Variants in SGPP1 observed in about 807,000 individuals in gnomAD.
SGPP1 encodes hSPP1.
A neutral mutation model predicts 33.0 loss-of-function variants in SGPP1; 21 were observed. The observed-to-expected ratio is 0.64, with a 90% CI of 0.45 to 0.92. SGPP1 has a LOEUF of 0.92. Ranked by LOEUF, SGPP1 falls within the 40% of genes least tolerant of loss-of-function variation. SGPP1 has a pLI of 0.00. For synonymous variants in SGPP1, 239 were observed against 241.2 expected (o/e 0.99, Z 0.08); for missense variants, 543 against 589.4 (o/e 0.92, Z 0.81).
chr14:63,724,379 T>A (rs1025230226), intron 1 of SGPP1, among the ~76,000 whole-genome samples: 1 of 151,972 alleles, frequency 6.6e-6, no homozygotes, highest in Non-Finnish European at 1.5e-5. Flanking sequence ...CAGGCATATA[T>A]AAGTAACCAT....
chr14:63,707,729 A>G (rs1339269390), intron 1 of SGPP1, among the ~76,000 whole-genome samples: 1 of 152,030 alleles, frequency 6.6e-6, no homozygotes, highest in African/African-American at 2.4e-5. Flanking sequence ...TACAGGCATG[A>G]GCCACTGCAC....
chr14:63,710,628 G>A (rs369623018), intron 1 of SGPP1, among the ~76,000 whole-genome samples: 13 of 152,090 alleles, frequency 8.5e-5, no homozygotes, highest in African/African-American at 1.4e-4. Context: ...CTATATTTCC[G>A]CTTCATTTTT....
At chr14:63,699,856 C>T (rs750559700) in intron 1 of SGPP1, among the ~76,000 whole-genome samples, 14 of 152,044 alleles carry the variant, frequency 9.2e-5, no homozygotes, top group Non-Finnish European at 1.6e-4. Flanking sequence ...TCACCTTTCA[C>T]CATTTATTTT....
In SGPP1 at chr14:63,718,707, C is replaced by T. The variant is rs114656070; in HGVS notation, c.684+8554G>A. 6.7e-3 allele frequency among the ~76,000 whole-genome samples: 1,006 copies of T among 150,886 alleles called. 9 individuals carry two copies. Among genetic ancestry groups the T allele is most frequent in the African/African-American group, 0.023 (959 of 41,148 alleles). On this transcript the variant is annotated intron_variant, in intron 1 of 2. Coordinates refer to ENST00000247225, the MANE Select transcript of SGPP1 (RefSeq NM_030791.4). ...ACAGTTTTTAAAAATCAACATGTGC[C>T]CTATAAATATATGCCTACTAGGTAC...
chr14:63,712,917 CAA>C lies in SGPP1; in HGVS notation c.685-14261_685-14260del, dbSNP rs56797705. On this transcript the variant is annotated intron_variant, in intron 1 of 2. Transcript: ENST00000247225. ...GGGCAACAAGAGCAAAACTCTGTCT[CAA>C]AAAAAAAAAAAAAAAAAAAATGGCA... 8.5e-3 allele frequency among the ~76,000 whole-genome samples: 539 copies of C among 63,762 alleles called. 6 individuals carry two copies. The highest frequency in any genetic ancestry group is 0.024 in the African/African-American group (493 of 20,768). The allele number at this position is 63,762 out of a possible 152,430, so 41.8% of individuals were successfully genotyped here. A position where few individuals can be genotyped will look rare whatever the true frequency, so the allele number is the denominator to read the frequency against.
intron 1 of SGPP1, among the ~76,000 whole-genome samples, chr14:63,725,358 A>G (rs1046137474): frequency 2.6e-5 from 4 of 152,264 alleles, no homozygotes; most frequent in African/African-American, 9.6e-5. Flanking sequence ...TGGGCAACAG[A>G]GCGAGACTCC....
At chr14:63,705,780 A>T (rs1319189132) in intron 1 of SGPP1, among the ~76,000 whole-genome samples, 1 of 152,230 alleles carries the variant, frequency 6.6e-6, no homozygotes, top group African/African-American at 2.4e-5. Flanking sequence ...ACAGGAAAGT[A>T]ACAAGTATTG....
At chr14:63,725,310 G>A (rs1885856905) in intron 1 of SGPP1, among the ~76,000 whole-genome samples, 1 of 151,472 alleles carries the variant, frequency 6.6e-6, no homozygotes, top group African/African-American at 2.4e-5. Flanking sequence ...GGAGGCAGAG[G>A]TTGCAGTGAG....
chr14:63,726,169 G>A (rs906412646), intron 1 of SGPP1, among the ~76,000 whole-genome samples: 1 of 152,180 alleles, frequency 6.6e-6, no homozygotes, highest in African/African-American at 2.4e-5. Flanking sequence ...GAAATTTAAT[G>A]TGGGATAAGT....
At position 63,703,800 on chromosome 14, in the gene SGPP1, G is replaced by GTTT. The variant is rs57439548; in HGVS notation, c.685-5145_685-5143dup. 4.1e-3 allele frequency among the ~76,000 whole-genome samples: 401 copies of GTTT among 98,784 alleles called. 3 individuals carry two copies. The highest frequency in any genetic ancestry group is 7.5e-3 in the African/African-American group (181 of 24,026). The allele number at this position is 98,784 out of a possible 152,430, so 64.8% of individuals were successfully genotyped here. On this transcript the variant is annotated intron_variant, in intron 1 of 2. Coordinates refer to ENST00000247225, the MANE Select transcript of SGPP1 (RefSeq NM_030791.4). Reference sequence around the variant, plus strand: ...TATAGTCAATGTAATCCCTATTTAAGTTTTTTTTTTTTTTTTTTTTTTTGG... The same window carrying GTTT: ...TATAGTCAATGTAATCCCTATTTAAGTTTTTTTTTTTTTTTTTTTTTTTTTTGG...
chr14:63,700,766 A>C (rs1475767287), intron 1 of SGPP1, among the ~76,000 whole-genome samples: 1 of 152,192 alleles, frequency 6.6e-6, no homozygotes, highest in African/African-American at 2.4e-5. Context: ...ATTCACTTAC[A>C]TTAGGGTCAT....
chr14:63,718,992 ATATATATATATATATATATATATT>A (rs1213663973), intron 1 of SGPP1, among the ~76,000 whole-genome samples: 47 of 16,586 alleles, frequency 2.8e-3, no homozygotes, highest in Non-Finnish European at 4.0e-3. Context: ...ATATATATAT[ATATATATATATATATATATATATT>A]TTTTTTTTTT....
intron 1 of SGPP1, among the ~76,000 whole-genome samples, chr14:63,725,251 T>C (rs1369683324): frequency 6.6e-6 from 1 of 152,044 alleles, no homozygotes; most frequent in Non-Finnish European, 1.5e-5. Context: ...GGTAGGCGCC[T>C]GTAATCCCAG....
rs1382846036 is a variant in SGPP1, at chr14:63,689,796, C to CA, written c.775-3141dup. On this transcript the variant is annotated intron_variant, in intron 2 of 2. Transcript: ENST00000247225. ...TTGGTGACAGAGCAAGACTCTGTCT[C>CA]AAAAAAAAAAAAAAAAATTATCTAG... Among the ~76,000 whole-genome samples the CA allele has an allele frequency of 9.5e-3, 809 of 85,410 alleles. 8 individuals are homozygous for CA. Among genetic ancestry groups the CA allele is most frequent in the African/African-American group, 0.012 (280 of 22,718 alleles). The allele number at this position is 85,410 out of a possible 152,430, so 56.0% of individuals were successfully genotyped here. A position where few individuals can be genotyped will look rare whatever the true frequency, so the allele number is the denominator to read the frequency against.
chr14:63,727,208 A>G (rs1595076049), intron 1 of SGPP1, 53 bp downstream of exon 1: 2 of 1,521,488 alleles, frequency 1.3e-6, no homozygotes, highest in Non-Finnish European at 1.8e-6. Flanking sequence ...AGCAAAGAGA[A>G]CTCCGAGTTC....
chr14:63,703,162 T>G (rs1402522050), intron 1 of SGPP1, among the ~76,000 whole-genome samples: 1 of 151,500 alleles, frequency 6.6e-6, no homozygotes, highest in Non-Finnish European at 1.5e-5. Context: ...AGTTGCAGGG[T>G]GTAAGATCAA....
rs1447157565 is a variant in SGPP1, at chr14:63,727,521, G to A, written c.424C>T (p.Leu142Phe). ...AAGGGGAAGAACAGGATGTAGAAGAGTTCGTTGCCCAGCTCCGTGCCGAAG... is the reference window on the plus strand; with the variant it reads ...AAGGGGAAGAACAGGATGTAGAAGAATTCGTTGCCCAGCTCCGTGCCGAAG... Reference protein sequence around the residue: ...FCFGTELGNELFYILFFPFWI... With the variant: ...FCFGTELGNEFFYILFFPFWI... The change falls in exon 1 of 3, where the codon CTC becomes TTC. Residue 142 changes from leucine (L) to phenylalanine (F), a missense_variant. By Grantham distance (22) the Leu-to-Phe change is conservative (BLOSUM62 0). Coordinates refer to ENST00000247225, the MANE Select transcript of SGPP1 (RefSeq NM_030791.4). 3 of 1,613,998 alleles carry A rather than the reference G, an allele frequency of 1.9e-6. No homozygotes were observed. The highest frequency in any genetic ancestry group is 2.7e-5 in the African/African-American group (2 of 74,940).
chr14:63,708,384 T>C (rs957490898), intron 1 of SGPP1, among the ~76,000 whole-genome samples: 12 of 151,414 alleles, frequency 7.9e-5, no homozygotes, highest in Non-Finnish European at 1.8e-4. Flanking sequence ...GCCTCCCAAG[T>C]AGCTGGGATT....
At chr14:63,722,941 C>A (rs1885804312) in intron 1 of SGPP1, among the ~76,000 whole-genome samples, 1 of 146,124 alleles carries the variant, frequency 6.8e-6, no homozygotes. Context: ...CACTGTACTC[C>A]AGTCTGAGCG....
Sources: gnomAD v4.1 joint callset for allele counts (sites outside exome capture counted in the v4.1 genomes callset) on GRCh38, gnomAD v4.1.1 for gene constraint, MANE v1.5 for transcripts, NCBI Gene and HGNC (gene_info 2026-07-23, HGNC 2026-07-21) for gene names.